The following STX8 variants were observed in gnomAD, a reference collection of about 807,000 sequenced individuals.
The protein encoded by STX8 is syntaxin-8.
Under a neutral mutation model 37.5 loss-of-function variants are expected in STX8, and 23 were observed. The observed-to-expected ratio is 0.61, with a 90% CI of 0.44 to 0.87. The LOEUF (loss-of-function observed/expected upper bound fraction) is 0.87. Ranked by LOEUF, STX8 falls within the 40% of genes least tolerant of loss-of-function variation. The pLI is 0.00. For synonymous variants in STX8, 115 were observed against 99.1 expected, an observed-to-expected ratio of 1.16 and a Z score of -0.95; for missense variants, 313 against 284.7, an observed-to-expected ratio of 1.10 and a Z score of -0.71.
chr17:9,390,575 C>T (rs535412441), intron 6 of STX8, among the ~76,000 whole-genome samples: 50 of 150,162 alleles, frequency 3.3e-4, no homozygotes, highest in Non-Finnish European at 2.5e-4. Flanking sequence ...TGCCTGTAAT[C>T]CCAGCACTTT....
At chr17:9,306,969 C>A (rs1291832843) in intron 7 of STX8, among the ~76,000 whole-genome samples, 1 of 143,042 alleles carries the variant, frequency 7.0e-6, no homozygotes, top group Non-Finnish European at 1.5e-5. Context: ...ACTAAAAATA[C>A]AAAAATTAGC....
chr17:9,544,891 A>T (rs1906438330), intron 4 of STX8, among the ~76,000 whole-genome samples: 1 of 152,146 alleles, frequency 6.6e-6, no homozygotes, highest in Non-Finnish European at 1.5e-5. Flanking sequence ...ACTACTTGGG[A>T]GGCTGAGGCA....
intron 6 of STX8, among the ~76,000 whole-genome samples, chr17:9,473,780 A>G (rs1905981917): frequency 6.6e-6 from 1 of 152,222 alleles, no homozygotes; most frequent in Non-Finnish European, 1.5e-5. Flanking sequence ...CAGAGCTTCA[A>G]AAACCTTTGG....
At chr17:9,418,022 C>A (rs949203524) in intron 6 of STX8, among the ~76,000 whole-genome samples, 10 of 152,174 alleles carry the variant, frequency 6.6e-5, no homozygotes, top group Non-Finnish European at 1.3e-4. Flanking sequence ...AGCAAATCAT[C>A]AAACTTGGTA....
At chr17:9,280,418 T>G (rs1907840920) in intron 7 of STX8, among the ~76,000 whole-genome samples, 1 of 152,114 alleles carries the variant, frequency 6.6e-6, no homozygotes, top group African/African-American at 2.4e-5. Context: ...CCGGGTGTGG[T>G]GGCGGGCGCC....
chr17:9,524,410 T>A (rs1402257544), intron 4 of STX8, among the ~76,000 whole-genome samples: 1 of 152,152 alleles, frequency 6.6e-6, no homozygotes, highest in Non-Finnish European at 1.5e-5. Flanking sequence ...GCCTTCTACA[T>A]GTTCTCATAT....
chr17:9,456,929 C>A (rs538128561), intron 6 of STX8, among the ~76,000 whole-genome samples: 1 of 152,302 alleles, frequency 6.6e-6, no homozygotes, highest in East Asian at 1.9e-4. Context: ...AGCAAACACT[C>A]ATTTAGAGTC....
At chr17:9,559,858 T>C (rs138479553) in intron 2 of STX8, among the ~76,000 whole-genome samples, 1 of 16 alleles carries the variant, frequency 0.062, no homozygotes, top group Non-Finnish European at 0.1. Context: ...CGCCTCCCGT[T>C]TTAAGCGAGT....
intron 6 of STX8, among the ~76,000 whole-genome samples, chr17:9,465,976 CT>C (rs980974145): frequency 2.1e-4 from 31 of 147,112 alleles, no homozygotes; most frequent in African/African-American, 5.7e-4. Flanking sequence ...TTTTAGTATT[CT>C]TTTTTTTTTT....
In STX8 at chr17:9,507,152, T is replaced by TAGTG. The variant is rs1904868232; in HGVS notation, c.324-1991_324-1990insCACT. ...CTAGCAGAGTGACTACGCTCCTGCA[T>TAGTG]CCCGGATCTATGAAACAGTCGGGCA... On this transcript the variant is annotated intron_variant, in intron 4 of 7. Coordinates refer to ENST00000306357, the MANE Select transcript of STX8 (RefSeq NM_004853.3). The surrounding 1 kb of genome is among the most constrained non-coding windows in gnomAD (Gnocchi z 4.0). 1.3e-5 allele frequency among the ~76,000 whole-genome samples: 2 copies of TAGTG among 151,952 alleles called. No individual in the cohort carries two copies. The highest frequency in any genetic ancestry group is 4.8e-5 in the African/African-American group (2 of 41,356).
At chr17:9,383,350 T>C (rs1427486709) in intron 6 of STX8, among the ~76,000 whole-genome samples, 1 of 152,202 alleles carries the variant, frequency 6.6e-6, no homozygotes, top group Non-Finnish European at 1.5e-5. Context: ...GTGAAATCAA[T>C]GATCAGACTC....
At chr17:9,528,143 T>G (rs1905654268) in intron 4 of STX8, among the ~76,000 whole-genome samples, 1 of 152,152 alleles carries the variant, frequency 6.6e-6, no homozygotes, top group South Asian at 2.1e-4. Flanking sequence ...AAAGGAAAAC[T>G]TTTTTTAGGT....
At chr17:9,290,370 T>A (rs1326885826) in intron 7 of STX8, among the ~76,000 whole-genome samples, 1 of 152,150 alleles carries the variant, frequency 6.6e-6, no homozygotes. Context: ...GCCACCTGCA[T>A]CTGAACGCCA....
At chr17:9,274,749 T>TC (rs1907608531) in intron 7 of STX8, among the ~76,000 whole-genome samples, 1 of 127,308 alleles carries the variant, frequency 7.9e-6, no homozygotes, top group Non-Finnish European at 1.8e-5. Flanking sequence ...AATTTCTTTT[T>TC]TCTTTTTTTT....
intron 4 of STX8, among the ~76,000 whole-genome samples, chr17:9,542,005 T>C (rs1824257123): frequency 1.9e-5 from 1 of 53,016 alleles, no homozygotes. Flanking sequence ...AACATTTGTA[T>C]TTTTTTTTTT....
At chr17:9,300,665 T>G (rs1908739133) in intron 7 of STX8, among the ~76,000 whole-genome samples, 1 of 152,094 alleles carries the variant, frequency 6.6e-6, no homozygotes, top group Non-Finnish European at 1.5e-5. Flanking sequence ...CGTTCTTAGT[T>G]TTTCAGTTGA....
intron 6 of STX8, among the ~76,000 whole-genome samples, chr17:9,464,369 C>T (rs1463297007): frequency 6.6e-6 from 1 of 152,160 alleles, no homozygotes; most frequent in Non-Finnish European, 1.5e-5. Context: ...ATGTTTACAC[C>T]TATATCACAA....
In STX8 at chr17:9,378,649, T is replaced by C. The variant is rs747239228; in HGVS notation, c.546A>G (p.Ile182Met). The change falls in exon 7 of 8, where the codon ATA (isoleucine) becomes ATG (methionine). Residue 182 changes from isoleucine (I) to methionine (M), a missense_variant. Transcript: ENST00000306357. ...CCACTAGGTTGGCAAGGTCGTCAAT[T>C]ATCTCTAGAAAGGAAACATACATGA... ...IGNELDEQNEIIDDLANLVEN... is the reference protein window; with the variant it reads ...IGNELDEQNEMIDDLANLVEN... 1 of 1,612,504 alleles carries C rather than the reference T, an allele frequency of 6.2e-7. No homozygotes were observed. The highest frequency in any genetic ancestry group is 8.5e-7 in the Non-Finnish European group (1 of 1,178,682).
At chr17:9,499,921 C>A (rs566249903) in intron 5 of STX8, among the ~76,000 whole-genome samples, 7 of 152,160 alleles carry the variant, frequency 4.6e-5, no homozygotes, top group African/African-American at 1.7e-4. Context: ...GCACCTTCTC[C>A]GGGACGAGCA....
Sources: gnomAD v4.1 joint callset for allele counts (sites outside exome capture counted in the v4.1 genomes callset) on GRCh38, gnomAD v4.1.1 for gene constraint, Gnocchi (gnomAD v3.1) non-coding constraint, MANE v1.5 for transcripts, NCBI Gene and HGNC (gene_info 2026-07-23, HGNC 2026-07-21) for gene names.